Variants in ORC2 observed in about 807,000 individuals in gnomAD.
ORC2 encodes origin recognition complex protein 2 homolog.
A neutral mutation model predicts 77.7 loss-of-function variants in ORC2; 37 were observed. That is an observed-to-expected ratio of 0.48 (90% confidence interval 0.37 to 0.63). The LOEUF is 0.63. ORC2 is among the 20% of genes least tolerant of loss of function. The pLI, the probability that ORC2 is intolerant of heterozygous loss-of-function variation, is 0.00. For synonymous variants in ORC2, 201 were observed against 229.5 expected, an observed-to-expected ratio of 0.88 and a Z score of 1.12; for missense variants, 557 against 661.9, an observed-to-expected ratio of 0.84 and a Z score of 1.74.
Position 200,935,782 on chromosome 2 carries a change from G to C in ORC2, c.625C>G (p.Gln209Glu), listed in dbSNP as rs753410182. 3 of 1,613,932 alleles carry C rather than the reference G, an allele frequency of 1.9e-6. No homozygotes were observed. In the South Asian group the frequency reaches 3.3e-5, roughly 18 times the overall value. The change falls in exon 9 of 18, where the codon CAA becomes GAA. Residue 209 changes from glutamine to glutamate, a missense_variant. Coordinates refer to ENST00000234296, the MANE Select transcript of ORC2 (RefSeq NM_006190.5). ...ACTCTATTCTGAGCTTGAATCTTTT[G>C]GCTGAATATGACTGCATTAGTGTCC... Reference protein sequence around the residue: ...EEDTNAVIFSQKIQAQNRVVS... With the variant: ...EEDTNAVIFSEKIQAQNRVVS...
Position 200,957,425 on chromosome 2 carries a change from C to T in ORC2, c.214G>A (p.Glu72Lys). 1 of 1,598,320 alleles carries T rather than the reference C, an allele frequency of 6.3e-7. No homozygotes were observed. Among genetic ancestry groups the T allele is most frequent in the Non-Finnish European group, 8.5e-7 (1 of 1,173,362 alleles). ...CCTTGAACATCTCTTCCCATAATTTCCACATAGTTCTGATCTTTTAAGACC... is the reference window on the plus strand; with the variant it reads ...CCTTGAACATCTCTTCCCATAATTTTCACATAGTTCTGATCTTTTAAGACC... ...QEVLKDQNYV[E>K]IMGRDVQESL... Residue 72 changes from glutamate to lysine, a missense_variant, in exon 4 of 18, where the codon GAA becomes AAA. By Grantham distance (56) the Glu-to-Lys change is moderately conservative. Transcript: ENST00000234296.
chr2:200,941,794 C>T (rs949429981), intron 6 of ORC2, among the ~76,000 whole-genome samples: 2 of 152,168 alleles, frequency 1.3e-5, no homozygotes, highest in Non-Finnish European at 2.9e-5. Flanking sequence ...AGAAAACAGC[C>T]TGACCAACAG....
At chr2:200,931,052 GT>G (rs1233016962) in intron 11 of ORC2, among the ~76,000 whole-genome samples, 1 of 151,842 alleles carries the variant, frequency 6.6e-6, no homozygotes, top group African/African-American at 2.4e-5. Flanking sequence ...AAATATTCAA[GT>G]TTTTTAAACC....
At chr2:200,944,212 C>A (rs970592248) in intron 5 of ORC2, among the ~76,000 whole-genome samples, 1 of 152,052 alleles carries the variant, frequency 6.6e-6, no homozygotes. Context: ...CTTGCTCTGT[C>A]GCCCAGGCTG....
Position 200,935,820 on chromosome 2 carries a change from T to C in ORC2, c.587A>G (p.Gln196Arg). The C allele has an allele frequency of 6.2e-7, 1 of 1,614,146 alleles. No individual in the cohort carries two copies. Among genetic ancestry groups the C allele is most frequent in the Non-Finnish European group, 8.5e-7 (1 of 1,179,982 alleles). ...SNSEDDEGVA[Q>R]EHEEDTNAVI... ...TGCATTAGTGTCCTCTTCATGTTCC[T>C]GTGCAACCCCTTCATCATCCTCTGA... The change falls in exon 9 of 18, where the codon CAG becomes CGG. Residue 196 changes from glutamine to arginine, a missense_variant. Transcript: ENST00000234296.
intron 7 of ORC2, among the ~76,000 whole-genome samples, chr2:200,940,796 C>T (rs375113023): frequency 1.3e-4 from 19 of 151,556 alleles, no homozygotes; most frequent in African/African-American, 4.1e-4. Context: ...AGTAAGACTC[C>T]GTCTCAAAAA....
At chr2:200,933,213 A>C (rs925590287) in intron 10 of ORC2, among the ~76,000 whole-genome samples, 1 of 151,756 alleles carries the variant, frequency 6.6e-6, no homozygotes, top group African/African-American at 2.4e-5. Context: ...CCCAGCAAGT[A>C]TAACTGTATG....
intron 4 of ORC2, among the ~76,000 whole-genome samples, chr2:200,951,420 T>C (rs1193604819): frequency 6.6e-6 from 1 of 152,208 alleles, no homozygotes; most frequent in Non-Finnish European, 1.5e-5. Context: ...TTAGAGTATG[T>C]TGAGTTTCAT....
In ORC2 at chr2:200,935,684, T is replaced by C; in HGVS notation, c.708+15A>G. On this transcript the variant is annotated intron_variant, in intron 9 of 17. Transcript: ENST00000234296. ...ACAATTTTTCTTTAAGGTTAAAGTC[T>C]CTCTCTTCACTTACTGTTTTATCTC... The C allele has an allele frequency of 6.4e-7, 1 of 1,561,938 alleles. No homozygotes were observed. Among genetic ancestry groups the C allele is most frequent in the South Asian group, 1.2e-5 (1 of 83,312 alleles).
chr2:200,936,062 A>G (rs1004244505), intron 8 of ORC2, among the ~76,000 whole-genome samples, 170 bp from the exon 9 acceptor site: 5 of 152,234 alleles, frequency 3.3e-5, no homozygotes, highest in African/African-American at 1.2e-4. Flanking sequence ...GCACCAGTTT[A>G]TTTATCAAAT....
intron 7 of ORC2, among the ~76,000 whole-genome samples, chr2:200,940,623 G>A (rs1034212711): frequency 6.6e-6 from 1 of 151,782 alleles, no homozygotes; most frequent in African/African-American, 2.4e-5. Context: ...CCAACATGGT[G>A]AAGCCTTGCC....
At chr2:200,921,329 T>C (rs2040757003) in intron 13 of ORC2, 190 bp from the exon 14 acceptor site, 1 of 331,780 alleles carries the variant, frequency 3.0e-6, no homozygotes, top group African/African-American at 2.1e-5. Context: ...GGCTAATTGT[T>C]TTTTTGGTAG....
At chr2:200,925,634 G>A (rs945472431) in intron 13 of ORC2, among the ~76,000 whole-genome samples, 6 of 152,146 alleles carry the variant, frequency 3.9e-5, no homozygotes, top group African/African-American at 1.4e-4. Flanking sequence ...AGCTACCTGG[G>A]AGGCTGAAGT....
chr2:200,963,226 C>T, intron 1 of ORC2: 1 of 387,900 alleles, frequency 2.6e-6, no homozygotes, highest in Non-Finnish European at 4.6e-6. Context: ...CACCTCAAGT[C>T]TTAAAGGACT....
chr2:200,950,894 C>A (rs564130408), intron 4 of ORC2, among the ~76,000 whole-genome samples: 5 of 152,252 alleles, frequency 3.3e-5, no homozygotes, highest in African/African-American at 7.2e-5. Context: ...TGAAGAGAGG[C>A]GTCTTAAATT....
chr2:200,919,944 T>C (rs1008746958), intron 15 of ORC2, among the ~76,000 whole-genome samples: 5 of 152,194 alleles, frequency 3.3e-5, no homozygotes, highest in African/African-American at 1.2e-4. Context: ...GTAAAAGTCA[T>C]GAAAAGTCTG....
intron 3 of ORC2, among the ~76,000 whole-genome samples, 155 bp from the exon 4 acceptor site, chr2:200,957,699 CCA>C (rs2041496309): frequency 2.0e-5 from 3 of 151,388 alleles, no homozygotes; most frequent in Admixed American, 1.3e-4. Context: ...GACCACTCTT[CCA>C]CAGTTTATAT....
intron 5 of ORC2, 146 bp from the exon 6 acceptor site, chr2:200,942,923 G>T: frequency 2.2e-6 from 1 of 447,380 alleles, no homozygotes; most frequent in Non-Finnish European, 4.0e-6. Context: ...GAGTAATACT[G>T]CTTTCACCTT....
At chr2:200,956,996 A>C (rs986435555) in intron 4 of ORC2, among the ~76,000 whole-genome samples, 8 of 152,082 alleles carry the variant, frequency 5.3e-5, no homozygotes, top group Non-Finnish European at 8.8e-5. Context: ...GGAACAACAT[A>C]TGCCACAGCC....
Sources: allele counts gnomAD v4.1 joint callset (sites outside exome capture counted in the v4.1 genomes callset), GRCh38; gene constraint gnomAD v4.1.1; transcripts MANE v1.5; gene names NCBI Gene and HGNC (gene_info 2026-07-23, HGNC 2026-07-21).